The following PRKN variants were observed in gnomAD, a reference collection of about 807,000 sequenced individuals.
PRKN encodes the protein parkin RBR E3 ubiquitin protein ligase, also known as E3 ubiquitin-protein ligase parkin.
A neutral mutation model predicts 59.5 loss-of-function variants in PRKN; 56 were observed. That is an observed-to-expected ratio of 0.94 (90% CI 0.76 to 1.18). PRKN has a LOEUF of 1.18. PRKN is among the 50% of genes most tolerant of loss of function. The pLI is 0.00. For missense variants in PRKN, 657 were observed against 596.4 expected (o/e 1.10, Z -1.06); for synonymous variants, 250 against 222.1 (o/e 1.13, Z -1.12).
intron 7 of PRKN, among the ~76,000 whole-genome samples, chr6:161,784,045 T>C (rs1790316515): frequency 6.6e-6 from 1 of 152,208 alleles, no homozygotes; most frequent in African/African-American, 2.4e-5. Flanking sequence ...TCCCATAGTT[T>C]CAAATTAAGT....
At chr6:162,106,222 G>A (rs1309589851) in intron 4 of PRKN, among the ~76,000 whole-genome samples, 1 of 152,210 alleles carries the variant, frequency 6.6e-6, no homozygotes, top group Non-Finnish European at 1.5e-5. Flanking sequence ...GAGAAGAGAT[G>A]TGGGGCAAAG....
Position 161,561,095 on chromosome 6 carries a change from T to C in PRKN, c.933+8260A>G, listed in dbSNP as rs531897103. Among the ~76,000 whole-genome samples, 4 of 152,296 alleles carry C rather than the reference T, an allele frequency of 2.6e-5. No homozygotes were observed. In the East Asian group the frequency reaches 7.7e-4, roughly 29 times the overall value. ...ATTGTATTGTGTTTCTCCAGTGACA[T>C]GTTCTCTCTTCTTTCTTCCCCTCAA... On this transcript the variant is annotated intron_variant, in intron 8 of 11. Transcript: ENST00000366898. The surrounding 1 kb of genome is among the most constrained non-coding windows in gnomAD (Gnocchi z 5.0).
At chr6:162,261,112 A>G (rs1779869177) in intron 3 of PRKN, among the ~76,000 whole-genome samples, 1 of 152,134 alleles carries the variant, frequency 6.6e-6, no homozygotes, top group African/African-American at 2.4e-5. Flanking sequence ...GGAGAAGACA[A>G]GAGTAAGGTT....
chr6:162,188,639 C>G (rs931671441), intron 4 of PRKN, among the ~76,000 whole-genome samples: 2 of 152,180 alleles, frequency 1.3e-5, no homozygotes, highest in East Asian at 1.9e-4. Context: ...AAGAAAACTT[C>G]TTTGAGGCAG....
At chr6:161,430,346 C>T (rs148606095) in intron 9 of PRKN, among the ~76,000 whole-genome samples, 2 of 152,320 alleles carry the variant, frequency 1.3e-5, no homozygotes, top group Admixed American at 6.5e-5. Flanking sequence ...CACTATTACA[C>T]TGACAATTGA....
At chr6:162,603,742 T>G (rs1412525727) in intron 1 of PRKN, among the ~76,000 whole-genome samples, 1 of 152,176 alleles carries the variant, frequency 6.6e-6, no homozygotes, top group Non-Finnish European at 1.5e-5. Context: ...ATAAAATTCA[T>G]GAGCTGCTTG....
intron 3 of PRKN, among the ~76,000 whole-genome samples, chr6:162,226,838 CT>C (rs1165672036): frequency 6.6e-6 from 1 of 152,220 alleles, no homozygotes; most frequent in African/African-American, 2.4e-5. Context: ...GCATGGGCAG[CT>C]CGCTGCTTCA....
intron 2 of PRKN, among the ~76,000 whole-genome samples, chr6:162,380,756 C>A (rs921168996): frequency 7.2e-5 from 11 of 151,794 alleles, no homozygotes; most frequent in African/African-American, 2.4e-4. Context: ...TTCCACCTTG[C>A]AGCATTGTTT....
intron 4 of PRKN, among the ~76,000 whole-genome samples, chr6:162,194,996 C>T (rs941815850): frequency 3.3e-5 from 5 of 152,044 alleles, no homozygotes; most frequent in African/African-American, 7.2e-5. Flanking sequence ...GCGTGAAGGG[C>T]GACAGTGAAC....
intron 1 of PRKN, among the ~76,000 whole-genome samples, chr6:162,542,958 C>T (rs1778982582): frequency 6.6e-6 from 1 of 152,142 alleles, no homozygotes; most frequent in African/African-American, 2.4e-5. Flanking sequence ...CTTCCTCCTA[C>T]TGACCCAATG....
Position 162,563,994 on chromosome 6 carries a change from A to AC in PRKN, c.8-120522dup, listed in dbSNP as rs397744325. Among the ~76,000 whole-genome samples, 4 of 150,010 alleles carry AC rather than the reference A, an allele frequency of 2.7e-5. No homozygotes were observed. In the East Asian group the frequency reaches 7.7e-4, roughly 29 times the overall value. On this transcript the variant is annotated intron_variant, in intron 1 of 11. Transcript: ENST00000366898. ...AGAGTCTGAGGAGACAAAAAAAAAA[A>AC]CCACAATAAATTATGCCTTGCCTAC... is the stretch of plus-strand genomic sequence containing the variant.
At chr6:162,067,170 A>G (rs979253762) in intron 4 of PRKN, among the ~76,000 whole-genome samples, 7 of 152,230 alleles carry the variant, frequency 4.6e-5, no homozygotes, top group African/African-American at 1.7e-4. Flanking sequence ...TCCTGTCATC[A>G]TGAAGTGCCA....
chr6:161,958,462 TTAAAG>T (rs563341206), intron 6 of PRKN, among the ~76,000 whole-genome samples: 3 of 152,164 alleles, frequency 2.0e-5, no homozygotes, highest in Non-Finnish European at 4.4e-5. Flanking sequence ...TGAGAGAAAT[TTAAAG>T]TAATTTCTAC....
chr6:162,144,593 G>C (rs1242623285), intron 4 of PRKN, among the ~76,000 whole-genome samples: 1 of 152,134 alleles, frequency 6.6e-6, no homozygotes, highest in African/African-American at 2.4e-5. Flanking sequence ...TAGGACCTAT[G>C]GTCACAGGCC....
chr6:162,611,785 A>G (rs1276191528), intron 1 of PRKN, among the ~76,000 whole-genome samples: 1 of 152,216 alleles, frequency 6.6e-6, no homozygotes, highest in Non-Finnish European at 1.5e-5. Context: ...CTCAAGGTAA[A>G]TGTTTGTTGT....
In PRKN at chr6:161,549,522, TAGA is replaced by T. The variant is rs1779923529; in HGVS notation, c.934-522_934-520del. 6.6e-6 allele frequency among the ~76,000 whole-genome samples: 1 copy of T among 152,196 alleles called. No homozygotes were observed. The highest frequency in any genetic ancestry group is 1.5e-5 in the Non-Finnish European group (1 of 68,034). ...GGCAGCCCACACAATATCAATGAGC[TAGA>T]AGAAGACTAATGTTAAACAATCACA... On this transcript the variant is annotated intron_variant, in intron 8 of 11. Coordinates refer to ENST00000366898, the MANE Select transcript of PRKN (RefSeq NM_004562.3). The surrounding 1 kb of genome is among the most constrained non-coding windows in gnomAD (Gnocchi z 6.0).
intron 4 of PRKN, among the ~76,000 whole-genome samples, chr6:162,145,647 C>A (rs1208082605): frequency 6.6e-6 from 1 of 152,068 alleles, no homozygotes; most frequent in Non-Finnish European, 1.5e-5. Context: ...CTCAAGGGCC[C>A]CAGATAACAG....
rs181017323 is a variant in PRKN at position 161,923,787 on chromosome 6, C to A, written c.734+49515G>T. Among the ~76,000 whole-genome samples the A allele has an allele frequency of 1.3e-3, 200 of 152,240 alleles. 1 individual carries two copies. The highest frequency in any genetic ancestry group is 4.7e-3 in the African/African-American group (194 of 41,548). Reference sequence around the variant, plus strand: ...CTGTTAGGTAACTGCAGTACAATCACGAAGTTCAGCTGGTGCAGATTCTGA... The same window carrying A: ...CTGTTAGGTAACTGCAGTACAATCAAGAAGTTCAGCTGGTGCAGATTCTGA... On this transcript the variant is annotated intron_variant, in intron 6 of 11. Transcript: ENST00000366898.
intron 2 of PRKN, chr6:162,263,173 G>A (rs559569525): frequency 8.6e-5 from 22 of 256,732 alleles, no homozygotes; most frequent in African/African-American, 3.8e-4. Context: ...TCTGCCTGCC[G>A]GGTTCAAGCA....
Sources: allele counts gnomAD v4.1 joint callset (sites outside exome capture counted in the v4.1 genomes callset), GRCh38; gene constraint gnomAD v4.1.1; non-coding constraint Gnocchi (gnomAD v3.1); transcripts MANE v1.5; gene names NCBI Gene and HGNC (gene_info 2026-07-23, HGNC 2026-07-21).